DROSHA: variants seen among roughly 807,000 people sequenced by gnomAD.
The protein encoded by DROSHA is drosha ribonuclease III, also known as ribonuclease 3.
Under a neutral mutation model 181.9 loss-of-function variants are expected in DROSHA, and 56 were observed. The observed-to-expected ratio is 0.31, with a 90% confidence interval of 0.25 to 0.38. The LOEUF is 0.38. Ranked by LOEUF, DROSHA falls within the 10% of genes least tolerant of loss-of-function variation. The probability of loss-of-function intolerance (pLI) is 1.00; values close to 1 mark genes in which losing one functional copy is unlikely to be tolerated. For synonymous variants in DROSHA, 524 were observed against 591.2 expected (o/e 0.89, Z 1.65); for missense variants, 1,218 against 1,743.5 (o/e 0.70, Z 5.37).
At chr5:31,405,042 T>C (rs576882935) in intron 35 of DROSHA, among the ~76,000 whole-genome samples, 2 of 152,272 alleles carry the variant, frequency 1.3e-5, no homozygotes, top group South Asian at 4.2e-4. Flanking sequence ...ACTTTTCTGT[T>C]ACAAGATTTT....
At chr5:31,490,547 C>T (rs1752287693) in intron 13 of DROSHA, among the ~76,000 whole-genome samples, 1 of 152,080 alleles carries the variant, frequency 6.6e-6, no homozygotes, top group Non-Finnish European at 1.5e-5. Flanking sequence ...AAATGTACTA[C>T]ATAAAAAGGT....
chr5:31,499,803 T>C (rs924020552), intron 11 of DROSHA, among the ~76,000 whole-genome samples: 2 of 152,146 alleles, frequency 1.3e-5, no homozygotes, highest in African/African-American at 2.4e-5. Context: ...TGAGTCTCAG[T>C]TGGGAGCCTT....
chr5:31,435,231 G>A (rs1744649071), intron 25 of DROSHA, among the ~76,000 whole-genome samples: 1 of 152,160 alleles, frequency 6.6e-6, no homozygotes, highest in Admixed American at 6.5e-5. Flanking sequence ...AAAAGGTTCT[G>A]TTAGTCACTG....
chr5:31,521,205 G>A lies in DROSHA; in HGVS notation c.865C>T (p.Arg289Trp), dbSNP rs746400926. 9.9e-6 allele frequency: 16 copies of A among 1,613,460 alleles called. No homozygotes were observed. Among genetic ancestry groups the A allele is most frequent in the South Asian group, 3.3e-5 (3 of 91,062 alleles). Residue 289 changes from arginine (R) to tryptophan (W), a missense_variant, in exon 6 of 36, where the codon CGG (arginine) becomes TGG (tryptophan). This residue lies in a region of DROSHA where 536 missense variants were observed against 535.4 expected (regional missense o/e 1.00). Transcript: ENST00000344624. ...TTGTCTCGATGCCTGTGTCTCTCCC[G>A]TTCTCGCTCTCTTAAAGGAATTAAT... is the stretch of plus-strand genomic sequence containing the variant. ...RSYERSRERE[R>W]ERHRHRDNRR...
intron 9 of DROSHA, 131 bp from the exon 10 acceptor site, chr5:31,508,906 T>A: frequency 9.6e-7 from 1 of 1,037,454 alleles, no homozygotes; most frequent in Non-Finnish European, 1.3e-6. Context: ...CACTGCAAAC[T>A]CCACCTCCCG....
At chr5:31,450,008 CATGA>C (rs1746779216) in intron 21 of DROSHA, among the ~76,000 whole-genome samples, 1 of 152,052 alleles carries the variant, frequency 6.6e-6, no homozygotes, top group Non-Finnish European at 1.5e-5. Context: ...GGGCAAATGA[CATGA>C]ACAAACATTT....
chr5:31,525,983 G>T, intron 5 of DROSHA, 96 bp downstream of exon 5: 1 of 1,183,312 alleles, frequency 8.5e-7, no homozygotes, highest in Non-Finnish European at 1.2e-6. Context: ...AAATCAAGAT[G>T]CCCTACTGGA....
chr5:31,524,374 A>T (rs1656306479), intron 5 of DROSHA, among the ~76,000 whole-genome samples: 1 of 152,210 alleles, frequency 6.6e-6, no homozygotes, highest in Admixed American at 6.5e-5. Context: ...ACAAGAACCA[A>T]GACCAGCTCT....
Position 31,526,423 on chromosome 5 carries a change from C to G in DROSHA, c.510G>C (p.Pro170=). 11 of 1,607,374 alleles carry G rather than the reference C, an allele frequency of 6.8e-6. No homozygotes were observed. Among genetic ancestry groups the G allele is most frequent in the South Asian group, 1.1e-5 (1 of 90,844 alleles). ...MPQQVNYQYP[P]GYSHHNFPPP... ...GTGGGAAGTTGTGGTGAGAATAGCC[C>G]GGAGGGTACTGATAATTAACCTGCT... The change falls in exon 5 of 36, where the codon CCG becomes CCC. Residue 170 remains proline (P), a synonymous_variant. Coordinates refer to ENST00000344624, the MANE Select transcript of DROSHA (RefSeq NM_001382508.1).
chr5:31,526,511 G>A lies in DROSHA; in HGVS notation c.422C>T (p.Thr141Ile). The A allele has an allele frequency of 6.3e-7, 1 of 1,585,062 alleles. No individual in the cohort carries two copies. The highest frequency in any genetic ancestry group is 2.2e-5 in the East Asian group (1 of 44,666). Residue 141 changes from threonine (T) to isoleucine (I), a missense_variant, in exon 5 of 36, where the codon ACT (threonine) becomes ATT (isoleucine). Thr to Ile is a moderately conservative substitution (Grantham distance 89, BLOSUM62 -1). This residue lies in a region of DROSHA where 536 missense variants were observed against 535.4 expected (regional missense o/e 1.00). Coordinates refer to ENST00000344624, the MANE Select transcript of DROSHA (RefSeq NM_001382508.1). ...GGGAGGGGGCATCATGAAGGGGAAAGTGCCTTGTCCAGGAGGTGCCCCAGG... is the reference window on the plus strand; with the variant it reads ...GGGAGGGGGCATCATGAAGGGGAAAATGCCTTGTCCAGGAGGTGCCCCAGG... ...PVPGAPPGQGTFPFMMPPPSM... is the reference protein window; with the variant it reads ...PVPGAPPGQGIFPFMMPPPSM...
chr5:31,486,072 T>C (rs1751711769), intron 14 of DROSHA, among the ~76,000 whole-genome samples: 1 of 152,084 alleles, frequency 6.6e-6, no homozygotes, highest in African/African-American at 2.4e-5. Flanking sequence ...TTAGGAAAAA[T>C]ATGTAAATAT....
At chr5:31,458,989 A>G (rs1748029725) in intron 20 of DROSHA, among the ~76,000 whole-genome samples, 1 of 152,218 alleles carries the variant, frequency 6.6e-6, no homozygotes, top group Admixed American at 6.5e-5. Flanking sequence ...AAAAGGAGAA[A>G]TGGAGTGAGA....
chr5:31,521,097 T>C lies in DROSHA; in HGVS notation c.947+26A>G, dbSNP rs775848743. On this transcript the variant is annotated intron_variant, in intron 6 of 35. Coordinates refer to ENST00000344624, the MANE Select transcript of DROSHA (RefSeq NM_001382508.1). The stretch of plus-strand genomic sequence containing the variant: ...AATTCAAGGAGATAATCCTATGACT[T>C]CTTTCAGTGTCAACTCCTTGCTTAC... 3 of 1,609,386 alleles carry C rather than the reference T, an allele frequency of 1.9e-6. No individual in the cohort carries two copies. In the South Asian group the frequency reaches 3.3e-5, roughly 18 times the overall value.
rs1741003848 is a variant in DROSHA, at chr5:31,409,190, T to C, written c.3751-31A>G. ...GAAGTCCCCCAAAACTATTTAGTAA[T>C]GGGTTCTGGAATCACCAAACATAAA... On this transcript the variant is annotated intron_variant, in intron 32 of 35. Coordinates refer to ENST00000344624, the MANE Select transcript of DROSHA (RefSeq NM_001382508.1). This position sits in a 1 kb window ranked among gnomAD's most constrained non-coding sequence, Gnocchi z 4.0. 1 of 1,610,828 alleles carries C rather than the reference T, an allele frequency of 6.2e-7. No homozygotes were observed. Among genetic ancestry groups the C allele is most frequent in the Non-Finnish European group, 8.5e-7 (1 of 1,178,440 alleles).
rs1160198178 is a variant in DROSHA at position 31,409,340 on chromosome 5, A to G, written c.3668-8T>C. 1 of 1,563,336 alleles carries G rather than the reference A, an allele frequency of 6.4e-7. No homozygotes were observed. The highest frequency in any genetic ancestry group is 1.4e-5 in the African/African-American group (1 of 73,778). ...ACAGCGCTGCAATAAATGCTGGGGA[A>G]AAAAGAATACTTTAAAATAAACCAC... On this transcript the variant is annotated splice_polypyrimidine_tract_variant and splice_region_variant and intron_variant, in intron 31 of 35. Coordinates refer to ENST00000344624, the MANE Select transcript of DROSHA (RefSeq NM_001382508.1). This position sits in a 1 kb window ranked among gnomAD's most constrained non-coding sequence, Gnocchi z 4.0.
At chr5:31,410,989 G>A (rs1741243966) in intron 30 of DROSHA, 102 bp from the exon 31 acceptor site, 3 of 1,521,438 alleles carry the variant, frequency 2.0e-6, no homozygotes, top group East Asian at 2.3e-5. Flanking sequence ...CACTGACAGG[G>A]ACACCAAAAT....
rs1739141984 is a variant in DROSHA, at chr5:31,515,193, C to G, written c.1085G>C (p.Arg362Thr). The G allele has an allele frequency of 2.5e-6, 4 of 1,613,154 alleles. No homozygotes were observed. The East Asian group carries it at 8.9e-5, about 36-fold the overall frequency. The change falls in exon 8 of 36, where the codon AGA (arginine) becomes ACA (threonine). Residue 362 changes from arginine to threonine, a missense_variant. Arg to Thr is a moderately conservative substitution (Grantham distance 71). Transcript: ENST00000344624. ...NHRSPSREKK[R>T]ARWEEEKDRW... ...GTCTTTTTCTTCCTCCCAACGAGCT[C>G]TCTTCTTCTCCCTACTTGGGGAGCG...
At chr5:31,493,494 G>T (rs1228606946) in intron 12 of DROSHA, among the ~76,000 whole-genome samples, 1 of 152,144 alleles carries the variant, frequency 6.6e-6, no homozygotes, top group African/African-American at 2.4e-5. Flanking sequence ...CTTAGACAAT[G>T]AATGATGTAA....
At chr5:31,496,369 G>A (rs760938219) in intron 11 of DROSHA, among the ~76,000 whole-genome samples, 1 of 152,196 alleles carries the variant, frequency 6.6e-6, no homozygotes, top group Non-Finnish European at 1.5e-5. Context: ...AGAAGTTCCA[G>A]TGAGCCAAGA....
Sources: allele counts gnomAD v4.1 joint callset (sites outside exome capture counted in the v4.1 genomes callset), GRCh38; gene constraint gnomAD v4.1.1; regional missense constraint gnomAD v4.1.1; non-coding constraint Gnocchi (gnomAD v3.1); transcripts MANE v1.5; gene names NCBI Gene and HGNC (gene_info 2026-07-23, HGNC 2026-07-21).